Variants in FGF7 observed in about 807,000 individuals in gnomAD.
FGF7 encodes fibroblast growth factor 7.
Under a neutral mutation model 20.5 loss-of-function variants are expected in FGF7, and 6 were observed. The observed-to-expected ratio is 0.29, with a 90% CI of 0.16 to 0.58. The LOEUF is 0.58. Among genes scored for constraint, FGF7 ranks in the 20% least tolerant of loss-of-function variants. The pLI is 0.90. For missense variants in FGF7, 144 were observed against 228.8 expected (o/e 0.63, Z 2.39); for synonymous variants, 64 against 74.7 (o/e 0.86, Z 0.74).
At chr15:49,468,491 G>T (rs2054461267) in intron 2 of FGF7, among the ~76,000 whole-genome samples, 1 of 152,048 alleles carries the variant, frequency 6.6e-6, no homozygotes, top group African/African-American at 2.4e-5. Context: ...CAGCTACAGG[G>T]CATGCTTTCT....
intron 2 of FGF7, among the ~76,000 whole-genome samples, chr15:49,469,928 C>T (rs2054586167): frequency 6.6e-6 from 1 of 152,034 alleles, no homozygotes; most frequent in East Asian, 1.9e-4. Context: ...CCACATCAAA[C>T]CAAAGAATTC....
intron 2 of FGF7, among the ~76,000 whole-genome samples, chr15:49,450,958 C>T (rs539247312): frequency 1.2e-4 from 19 of 152,184 alleles, no homozygotes; most frequent in Admixed American, 3.3e-4. Context: ...TTGAATGCTC[C>T]TTCCCCCAAA....
chr15:49,473,614 T>C (rs976487565), intron 2 of FGF7, among the ~76,000 whole-genome samples: 7 of 152,132 alleles, frequency 4.6e-5, no homozygotes, highest in Non-Finnish European at 8.8e-5. Flanking sequence ...AATGACTCTC[T>C]ACCCCAGCAA....
Position 49,424,614 on chromosome 15 carries a change from T to G in FGF7, c.286+31T>G, listed in dbSNP as rs755511380. 4 of 1,489,528 alleles carry G rather than the reference T, an allele frequency of 2.7e-6. No homozygotes were observed. In the Admixed American group the frequency reaches 6.4e-5, roughly 24 times the overall value. The allele number at this position is 1,489,528 out of a possible 1,614,324, so 92.3% of individuals were successfully genotyped here. A position where few individuals can be genotyped will look rare whatever the true frequency, so the allele number is the denominator to read the frequency against. On this transcript the variant is annotated intron_variant, in intron 2 of 3. Coordinates refer to ENST00000267843, the MANE Select transcript of FGF7 (RefSeq NM_002009.4). Reference sequence around the variant, plus strand: ...TAATTTTAAGTACTGCTCATGAACCTTAGCAATCTGTTAATGGATCAATTT... The same window carrying G: ...TAATTTTAAGTACTGCTCATGAACCGTAGCAATCTGTTAATGGATCAATTT...
chr15:49,455,931 T>C (rs2053243107), intron 2 of FGF7, among the ~76,000 whole-genome samples: 2 of 152,126 alleles, frequency 1.3e-5, no homozygotes, highest in Admixed American at 6.6e-5. Context: ...TGGAAATTAC[T>C]ACAGAATGGG....
At chr15:49,442,485 T>A (rs188529498) in intron 2 of FGF7, among the ~76,000 whole-genome samples, 8 of 151,834 alleles carry the variant, frequency 5.3e-5, no homozygotes, top group Non-Finnish European at 1.5e-5. Flanking sequence ...TGTATTCTCC[T>A]AGACTTTAGA....
At chr15:49,483,526 C>T (rs2056140146) in intron 3 of FGF7, among the ~76,000 whole-genome samples, 1 of 151,934 alleles carries the variant, frequency 6.6e-6, no homozygotes, top group Admixed American at 6.6e-5. Flanking sequence ...ATTCCATGTG[C>T]ATTTTAGATA....
At chr15:49,447,969 A>AACT (rs1238314055) in intron 2 of FGF7, among the ~76,000 whole-genome samples, 1 of 151,756 alleles carries the variant, frequency 6.6e-6, no homozygotes, top group Non-Finnish European at 1.5e-5. Context: ...ACCAGAGAAG[A>AACT]ACTTCATCAT....
intron 2 of FGF7, among the ~76,000 whole-genome samples, chr15:49,481,367 C>T (rs1234600071): frequency 2.0e-5 from 3 of 152,084 alleles, no homozygotes; most frequent in African/African-American, 7.2e-5. Context: ...CAAATTTAAC[C>T]TAATAGTATT....
chr15:49,439,796 A>G (rs753887604), intron 2 of FGF7, among the ~76,000 whole-genome samples: 8 of 151,698 alleles, frequency 5.3e-5, no homozygotes, highest in Admixed American at 3.3e-4. Context: ...AAGAAACTGG[A>G]TGATTTGCTT....
chr15:49,479,063 A>G (rs1378634030), intron 2 of FGF7, among the ~76,000 whole-genome samples: 2 of 152,352 alleles, frequency 1.3e-5, no homozygotes, highest in Admixed American at 6.5e-5. Context: ...AGATAAATTC[A>G]TGAATTATTG....
Position 49,483,269 on chromosome 15 carries a change from T to C in FGF7, c.390+15T>C. The C allele has an allele frequency of 7.9e-7, 1 of 1,270,536 alleles. No homozygotes were observed. The highest frequency in any genetic ancestry group is 1.1e-6 in the Non-Finnish European group (1 of 887,078). The allele number at this position is 1,270,536 out of a possible 1,614,324, so 78.7% of individuals were successfully genotyped here. Reference sequence around the variant, plus strand: ...TCTATGCAAAGGTATTGATAATTGATAGCTTAGGCTTAATTTTTAAAACTC... The same window carrying C: ...TCTATGCAAAGGTATTGATAATTGACAGCTTAGGCTTAATTTTTAAAACTC... On this transcript the variant is annotated intron_variant, in intron 3 of 3. Transcript: ENST00000267843.
intron 2 of FGF7, among the ~76,000 whole-genome samples, chr15:49,469,328 G>C (rs2054536526): frequency 6.6e-6 from 1 of 152,000 alleles, no homozygotes; most frequent in Admixed American, 6.6e-5. Context: ...GTTTATTCCA[G>C]GGATACTCTT....
intron 2 of FGF7, among the ~76,000 whole-genome samples, chr15:49,432,387 T>A (rs2050694920): frequency 6.6e-6 from 1 of 151,692 alleles, no homozygotes; most frequent in Non-Finnish European, 1.5e-5. Context: ...ATTGAACAAT[T>A]TTCTTTCAGC....
intron 2 of FGF7, among the ~76,000 whole-genome samples, chr15:49,460,681 C>T (rs1451223515): frequency 6.6e-6 from 1 of 152,124 alleles, no homozygotes; most frequent in Admixed American, 6.5e-5. Context: ...AAAAATAGGA[C>T]TCTTGATACC....
In FGF7 at chr15:49,431,478, CA is replaced by C. The variant is rs575364997; in HGVS notation, c.286+6896del. Among the ~76,000 whole-genome samples, 721 of 151,794 alleles carry C rather than the reference CA, an allele frequency of 4.7e-3. 9 individuals carry two copies. Among genetic ancestry groups the C allele is most frequent in the Non-Finnish European group, 8.3e-3 (565 of 67,810 alleles). ...TGGGGAGTGAGAGAGGAGAATTATC[CA>C]GTACCCATGCCCAAGTAAACCTTGT... On this transcript the variant is annotated intron_variant, in intron 2 of 3. Coordinates refer to ENST00000267843, the MANE Select transcript of FGF7 (RefSeq NM_002009.4).
chr15:49,463,899 G>T (rs1053147699), intron 2 of FGF7, among the ~76,000 whole-genome samples: 12 of 151,572 alleles, frequency 7.9e-5, no homozygotes, highest in African/African-American at 2.9e-4. Flanking sequence ...AAACTGATTT[G>T]ATGTGGCTCA....
chr15:49,479,599 G>GTTTTTTTGTTTTTTTTT (rs2055712240), intron 2 of FGF7, among the ~76,000 whole-genome samples: 2 of 63,292 alleles, frequency 3.2e-5, no homozygotes, highest in African/African-American at 1.3e-4. Context: ...TAATACCTCT[G>GTTTTTTTGTTTTTTTTT]TTTTTTTTTT....
At chr15:49,429,665 TAAA>T (rs1272147398) in intron 2 of FGF7, among the ~76,000 whole-genome samples, 4 of 151,838 alleles carry the variant, frequency 2.6e-5, no homozygotes, top group African/African-American at 9.7e-5. Flanking sequence ...TGGGGAACTT[TAAA>T]AAAATACTGA....
Sources: gnomAD v4.1 joint callset for allele counts (sites outside exome capture counted in the v4.1 genomes callset) on GRCh38, gnomAD v4.1.1 for gene constraint, MANE v1.5 for transcripts, NCBI Gene and HGNC (gene_info 2026-07-23, HGNC 2026-07-21) for gene names.